CRHR1: variants seen among roughly 807,000 people sequenced by gnomAD.
CRHR1 encodes the protein corticotropin releasing hormone receptor 1.
In CRHR1, 28 loss-of-function variants were observed where a neutral mutation model predicts 56.0. The ratio of observed to expected loss-of-function variants is 0.50; its 90% CI spans 0.37 to 0.69. The LOEUF (loss-of-function observed/expected upper bound fraction) is 0.69. Among genes scored for constraint, CRHR1 ranks in the 30% least tolerant of loss-of-function variants. The probability of loss-of-function intolerance (pLI) is 0.00; values close to 1 mark genes in which losing one functional copy is unlikely to be tolerated. For synonymous variants in CRHR1, 195 were observed against 216.5 expected (o/e 0.90, Z 0.87); for missense variants, 376 against 548.0 (o/e 0.69, Z 3.13).
In CRHR1 at chr17:45,821,025, G is replaced by A. The variant is rs1343039435; in HGVS notation, c.242-330G>A. Among the ~76,000 whole-genome samples the A allele has an allele frequency of 3.3e-5, 5 of 152,354 alleles. No homozygotes were observed. The East Asian group carries it at 9.6e-4, about 29-fold the overall frequency. ...AGATTTCTCAGAAGAGCACCTACCT[G>A]TCATCTGCCACCACATAATGACTTG... On this transcript the variant is annotated intron_variant, in intron 3 of 12. Transcript: ENST00000314537.
chr17:45,834,903 G>GT lies in CRHR1; in HGVS notation c.*139_*140insT, dbSNP rs2062405421. The GT allele has an allele frequency of 3.4e-6, 4 of 1,171,226 alleles. No individual in the cohort carries two copies. Among genetic ancestry groups the GT allele is most frequent in the Non-Finnish European group, 4.8e-6 (4 of 833,556 alleles). 72.6% of individuals were successfully genotyped at this position (1,171,226 alleles called of 1,614,324 possible). A position where few individuals can be genotyped will look rare whatever the true frequency, so the allele number is the denominator to read the frequency against. ...AGGAGCAGCTGGCACTGACAGCCTG[G>GT]GGGGGCCGCTCTCCCCCTGCAGCCG... On this transcript the variant is annotated 3_prime_UTR_variant, in exon 13 of 13. Coordinates refer to ENST00000314537, the MANE Select transcript of CRHR1 (RefSeq NM_004382.5).
Position 45,784,365 on chromosome 17 carries a change from G to A in CRHR1, c.-180G>A. The A allele has an allele frequency of 2.8e-6, 1 of 352,946 alleles. No homozygotes were observed. The highest frequency in any genetic ancestry group is 4.8e-6 in the Non-Finnish European group (1 of 206,700). 21.9% of individuals were successfully genotyped at this position (352,946 alleles called of 1,614,324 possible). A position where few individuals can be genotyped will look rare whatever the true frequency, so the allele number is the denominator to read the frequency against. On this transcript the variant is annotated 5_prime_UTR_variant, in exon 1 of 13. Transcript: ENST00000314537. This position sits in a 1 kb window ranked among gnomAD's most constrained non-coding sequence, Gnocchi z 4.2. Reference sequence around the variant, plus strand: ...CCCCGGGAAGGGGCGAGCGAGAGCCGGGCCGGGCCGGGCCGGGCCGCGGGG... The same window carrying A: ...CCCCGGGAAGGGGCGAGCGAGAGCCAGGCCGGGCCGGGCCGGGCCGCGGGG...
chr17:45,810,890 G>A (rs1459645082), intron 2 of CRHR1, among the ~76,000 whole-genome samples: 2 of 152,242 alleles, frequency 1.3e-5, no homozygotes, highest in Non-Finnish European at 2.9e-5. Flanking sequence ...CCAGGCAGAG[G>A]CCCTGCCCAT....
intron 4 of CRHR1, among the ~76,000 whole-genome samples, chr17:45,823,027 G>A (rs1315742360): frequency 7.0e-6 from 1 of 143,366 alleles, no homozygotes; most frequent in Non-Finnish European, 1.5e-5. Flanking sequence ...CCCTGTAATC[G>A]CAGCTACTCA....
intron 4 of CRHR1, chr17:45,827,535 C>T (rs1568065876): frequency 6.6e-6 from 1 of 152,324 alleles, no homozygotes; most frequent in African/African-American, 2.4e-5. Flanking sequence ...ACCCTCCCCA[C>T]TTGCACGGGT....
rs767265946 is a variant in CRHR1 at position 45,830,539 on chromosome 17, G to A, written c.678G>A (p.Leu226=). ...AIVLTYSTDR[L]RKWMFICIGW... ...TGCTCACCTACTCCACTGACCGGCTGCGCAAATGGATGTTCATCTGCATTG... is the reference window on the plus strand; with the variant it reads ...TGCTCACCTACTCCACTGACCGGCTACGCAAATGGATGTTCATCTGCATTG... The change falls in exon 7 of 13, where the codon CTG becomes CTA. Residue 226 remains leucine (L), a synonymous_variant. Coordinates refer to ENST00000314537, the MANE Select transcript of CRHR1 (RefSeq NM_004382.5). 8 of 1,612,782 alleles carry A rather than the reference G, an allele frequency of 5.0e-6. No individual in the cohort carries two copies. The highest frequency in any genetic ancestry group is 6.8e-6 in the Non-Finnish European group (8 of 1,179,616).
chr17:45,821,471 T>A (rs775061224), intron 4 of CRHR1, 31 bp downstream of exon 4: 38 of 1,595,374 alleles, frequency 2.4e-5, no homozygotes, highest in Admixed American at 2.2e-4. Flanking sequence ...GCTGCCCATA[T>A]GGAGGGGAGT....
chr17:45,784,430 G>C lies in CRHR1; in HGVS notation c.-115G>C. ...GCCGGGCATCTCCTCACCAGGCAGC[G>C]ACCGAGGAGCCCGGCCGCCCACCCC... On this transcript the variant is annotated 5_prime_UTR_variant, in exon 1 of 13. Coordinates refer to ENST00000314537, the MANE Select transcript of CRHR1 (RefSeq NM_004382.5). This position sits in a 1 kb window ranked among gnomAD's most constrained non-coding sequence, Gnocchi z 4.2. 1 of 1,024,140 alleles carries C rather than the reference G, an allele frequency of 9.8e-7. No homozygotes were observed. Among genetic ancestry groups the C allele is most frequent in the Non-Finnish European group, 1.3e-6 (1 of 743,622 alleles). 63.4% of individuals were successfully genotyped at this position (1,024,140 alleles called of 1,614,324 possible).
chr17:45,791,833 T>TCTC (rs2061430544), intron 1 of CRHR1, among the ~76,000 whole-genome samples: 15 of 127,210 alleles, frequency 1.2e-4, no homozygotes, highest in South Asian at 6.3e-4. Context: ...CTCTCTCTCT[T>TCTC]TCTCTCTCTC....
rs2062277555 is a variant in CRHR1, at chr17:45,830,483, G to A, written c.622G>A (p.Gly208Ser). 3 of 1,613,740 alleles carry A rather than the reference G, an allele frequency of 1.9e-6. No individual in the cohort carries two copies. The highest frequency in any genetic ancestry group is 2.2e-5 in the South Asian group (2 of 91,086). The part of the protein sequence containing the change: ...FHVTNFFWMF[G>S]EGCYLHTAIV... ...TGTGACCAACTTCTTCTGGATGTTC[G>A]GCGAGGGCTGCTACCTGCACACAGC... Residue 208 changes from glycine to serine, a missense_variant, in exon 7 of 13, where the codon GGC becomes AGC. Gly to Ser is a moderately conservative substitution (Grantham distance 56). This residue lies in a region of CRHR1 where 369 missense variants were observed against 519.5 expected (regional missense o/e 0.71). Coordinates refer to ENST00000314537, the MANE Select transcript of CRHR1 (RefSeq NM_004382.5).
At chr17:45,798,263 C>T (rs894004178) in intron 1 of CRHR1, among the ~76,000 whole-genome samples, 9 of 152,116 alleles carry the variant, frequency 5.9e-5, no homozygotes, top group African/African-American at 1.7e-4. Context: ...GGGTGGCTCA[C>T]GCCTGTAATC....
rs2062396014 is a variant in CRHR1 at position 45,834,620 on chromosome 17, A to G, written c.1108-4A>G. The G allele has an allele frequency of 6.2e-7, 1 of 1,607,864 alleles. No homozygotes were observed. Among genetic ancestry groups the G allele is most frequent in the Non-Finnish European group, 8.5e-7 (1 of 1,176,624 alleles). On this transcript the variant is annotated splice_polypyrimidine_tract_variant and splice_region_variant and intron_variant, in intron 12 of 12. Transcript: ENST00000314537. Reference sequence around the variant, plus strand: ...AGATGTCGTGCTCCTCCCTGTGCCCACAGGTCCGTTCTGCCATCCGGAAGA... The same window carrying G: ...AGATGTCGTGCTCCTCCCTGTGCCCGCAGGTCCGTTCTGCCATCCGGAAGA...
chr17:45,790,066 G>A (rs1034126519), intron 1 of CRHR1, among the ~76,000 whole-genome samples: 7 of 152,148 alleles, frequency 4.6e-5, no homozygotes, highest in African/African-American at 1.7e-4. Context: ...TAGAGGAAGG[G>A]TATTTGGCGT....
At chr17:45,827,447 C>T (rs1364348749) in intron 4 of CRHR1, among the ~76,000 whole-genome samples, 1 of 152,232 alleles carries the variant, frequency 6.6e-6, no homozygotes, top group East Asian at 1.9e-4. Flanking sequence ...ATATTAAATA[C>T]CAGCTCCAGA....
At chr17:45,825,216 G>A (rs2062133147) in intron 4 of CRHR1, among the ~76,000 whole-genome samples, 1 of 152,190 alleles carries the variant, frequency 6.6e-6, no homozygotes. Context: ...GGACTTGCAA[G>A]GGCACCTCAA....
At chr17:45,829,827 A>T (rs2062253779) in intron 5 of CRHR1, among the ~76,000 whole-genome samples, 1 of 151,838 alleles carries the variant, frequency 6.6e-6, no homozygotes, top group Non-Finnish European at 1.5e-5. Flanking sequence ...CATCGCCAGG[A>T]ATCCAGCTGC....
intron 2 of CRHR1, among the ~76,000 whole-genome samples, chr17:45,814,898 G>T (rs2143040166): frequency 6.6e-6 from 1 of 152,408 alleles, no homozygotes; most frequent in South Asian, 2.1e-4. Flanking sequence ...CACTTGGCCT[G>T]AAGGCCTCTG....
chr17:45,795,705 A>AC (rs980287708), intron 1 of CRHR1, among the ~76,000 whole-genome samples: 2 of 152,074 alleles, frequency 1.3e-5, no homozygotes, highest in African/African-American at 4.8e-5. Context: ...GGCCTATTGA[A>AC]CCCCAATTTT....
Position 45,784,560 on chromosome 17 carries a change from C to T in CRHR1, c.16C>T (p.Gln6Ter). 1.3e-6 allele frequency: 2 copies of T among 1,555,122 alleles called. No individual in the cohort carries two copies. The highest frequency in any genetic ancestry group is 8.7e-7 in the Non-Finnish European group (1 of 1,150,724). The change falls in exon 1 of 13, where the codon CAG becomes TAG. Residue 6 changes from glutamine (Q) to a stop codon, truncating the protein, a stop_gained. Transcript: ENST00000314537. LOFTEE classifies it high-confidence loss of function. This position sits in a 1 kb window ranked among gnomAD's most constrained non-coding sequence, Gnocchi z 4.2. Reference sequence around the variant, plus strand: ...GAGCCCGAGGATGGGAGGGCACCCGCAGCTCCGTCTCGTCAAGGTAACAGC... The same window carrying T: ...GAGCCCGAGGATGGGAGGGCACCCGTAGCTCCGTCTCGTCAAGGTAACAGC... MGGHP[Q>*]LRLVKALLLL... is the part of the protein sequence containing the mutation.
Sources: allele counts gnomAD v4.1 joint callset (sites outside exome capture counted in the v4.1 genomes callset), GRCh38; gene constraint gnomAD v4.1.1; regional missense constraint gnomAD v4.1.1; non-coding constraint Gnocchi (gnomAD v3.1); transcripts MANE v1.5; gene names NCBI Gene and HGNC (gene_info 2026-07-23, HGNC 2026-07-21).